The following KCNN2 variants were observed in gnomAD, a reference collection of about 807,000 sequenced individuals.
KCNN2 encodes small conductance calcium-activated potassium channel protein 2.
In KCNN2, 24 loss-of-function variants were observed where a neutral mutation model predicts 55.5. The ratio of observed to expected loss-of-function variants is 0.43; its 90% CI spans 0.31 to 0.61. KCNN2 has a LOEUF of 0.61. Among genes scored for constraint, KCNN2 ranks in the 20% least tolerant of loss-of-function variants. The pLI, the probability that KCNN2 is intolerant of heterozygous loss-of-function variation, is 0.08. For synonymous variants in KCNN2, 431 were observed against 336.1 expected, an observed-to-expected ratio of 1.28 and a Z score of -3.09; for missense variants, 754 against 853.6, an observed-to-expected ratio of 0.88 and a Z score of 1.45.
chr5:114,135,104 A>G (rs1005233877), intron 1 of KCNN2, among the ~76,000 whole-genome samples: 6 of 152,138 alleles, frequency 3.9e-5, no homozygotes, highest in African/African-American at 1.2e-4. Context: ...TAAGACAAGG[A>G]GTGTAGATCT....
rs116328857 is a variant in KCNN2, at chr5:114,269,904, G to C, written c.-185+48339G>C. ...TCAAGGAAAGGAAAAGAATGAAATG[G>C]AGGGTCACCACTAGACCGTTTCAGA... On this transcript the variant is annotated intron_variant, in intron 2 of 10. Transcript: ENST00000512097. Among the ~76,000 whole-genome samples, 516 of 152,296 alleles carry C rather than the reference G, an allele frequency of 3.4e-3. 5 individuals are homozygous for C. The highest frequency in any genetic ancestry group is 0.012 in the African/African-American group (496 of 41,572).
At chr5:114,083,396 T>C (rs4705620) in intron 1 of KCNN2, among the ~76,000 whole-genome samples, 64,071 of 151,744 alleles carry the variant, frequency 0.42, 13,954 homozygotes, top group East Asian at 0.66. Flanking sequence ...GCTGTAAATT[T>C]CCCCTCTAAA....
intron 1 of KCNN2, among the ~76,000 whole-genome samples, chr5:114,105,935 G>A (rs563735110): frequency 9.7e-4 from 147 of 151,902 alleles, no homozygotes; most frequent in African/African-American, 3.5e-3. Context: ...TCTATAAAAA[G>A]TTCATTTATT....
intron 1 of KCNN2, among the ~76,000 whole-genome samples, chr5:114,058,189 C>T (rs983366038): frequency 3.3e-5 from 5 of 151,758 alleles, no homozygotes; most frequent in African/African-American, 9.7e-5. Context: ...AATACAAGCT[C>T]AATAATAGCA....
chr5:114,215,614 C>A (rs568961200), intron 1 of KCNN2, among the ~76,000 whole-genome samples: 19 of 152,094 alleles, frequency 1.2e-4, no homozygotes, highest in East Asian at 3.9e-4. Flanking sequence ...CTTTTGCATT[C>A]CCTCCTTGAG....
chr5:114,359,585 A>G (rs1480408841), upstream of KCNN2, among the ~76,000 whole-genome samples: 3 of 152,160 alleles, frequency 2.0e-5, no homozygotes, highest in African/African-American at 7.2e-5. Flanking sequence ...TAACTGTAGA[A>G]CCTTATATCT....
intron 5 of KCNN2, among the ~76,000 whole-genome samples, chr5:114,477,659 A>G (rs1364080291): frequency 1.3e-5 from 2 of 152,198 alleles, no homozygotes; most frequent in Non-Finnish European, 2.9e-5. Context: ...TTACCATGCA[A>G]TATCTTTTGG....
chr5:114,349,935 A>G (rs1005949275), intron 2 of KCNN2, among the ~76,000 whole-genome samples: 2 of 151,982 alleles, frequency 1.3e-5, no homozygotes, highest in Non-Finnish European at 2.9e-5. Context: ...CTTTTTAAAT[A>G]TAGGCATCCT....
At chr5:114,472,466 C>T (rs1390859139) in intron 4 of KCNN2, among the ~76,000 whole-genome samples, 2 of 152,180 alleles carry the variant, frequency 1.3e-5, no homozygotes, top group African/African-American at 4.8e-5. Context: ...TTACCCCTTA[C>T]CTTCAGTACT....
rs994627502 is a variant in KCNN2, at chr5:114,174,852, C to G, written c.-270-46628C>G. Among the ~76,000 whole-genome samples the G allele has an allele frequency of 4.6e-5, 7 of 152,114 alleles. No individual in the cohort carries two copies. The East Asian group carries it at 1.2e-3, about 25-fold the overall frequency. Reference sequence around the variant, plus strand: ...AAATTAAATGAACTGGATTTTCTGTCCAAGACAAGGCAGGAAATAGGAAAT... The same window carrying G: ...AAATTAAATGAACTGGATTTTCTGTGCAAGACAAGGCAGGAAATAGGAAAT... On this transcript the variant is annotated intron_variant, in intron 1 of 10. Transcript: ENST00000512097.
chr5:114,443,118 C>T (rs1760277272), intron 3 of KCNN2, among the ~76,000 whole-genome samples: 1 of 151,982 alleles, frequency 6.6e-6, no homozygotes, highest in Admixed American at 6.6e-5. Context: ...TGGTGAAACC[C>T]TGTCTTTGCT....
chr5:114,099,151 A>G (rs906278384), intron 1 of KCNN2, among the ~76,000 whole-genome samples: 1 of 152,132 alleles, frequency 6.6e-6, no homozygotes, highest in South Asian at 2.1e-4. Context: ...CGTACCCTGA[A>G]CTACTGGAAC....
intron 2 of KCNN2, among the ~76,000 whole-genome samples, chr5:114,392,185 A>G (rs1360225616): frequency 6.6e-6 from 1 of 152,196 alleles, no homozygotes; most frequent in Non-Finnish European, 1.5e-5. Flanking sequence ...GTTGCCTACA[A>G]CATATGATAT....
At chr5:114,281,182 G>A (rs1477407199) in intron 2 of KCNN2, among the ~76,000 whole-genome samples, 2 of 152,106 alleles carry the variant, frequency 1.3e-5, no homozygotes, top group Non-Finnish European at 2.9e-5. Context: ...ATTGTATAAT[G>A]CATTTATTTG....
chr5:114,297,842 C>A (rs1409005388), intron 2 of KCNN2, among the ~76,000 whole-genome samples: 1 of 151,982 alleles, frequency 6.6e-6, no homozygotes, highest in Non-Finnish European at 1.5e-5. Flanking sequence ...CAGTATATAA[C>A]AAGGCTTGTA....
At chr5:114,314,665 T>C (rs761355821) in intron 2 of KCNN2, among the ~76,000 whole-genome samples, 1 of 152,092 alleles carries the variant, frequency 6.6e-6, no homozygotes, top group Non-Finnish European at 1.5e-5. Flanking sequence ...TCAGAAAGAA[T>C]ATAAATTTTA....
At chr5:114,386,065 C>G (rs1758273642) in intron 2 of KCNN2, among the ~76,000 whole-genome samples, 1 of 151,384 alleles carries the variant, frequency 6.6e-6, no homozygotes, top group Non-Finnish European at 1.5e-5. Context: ...ACTTGTAGTC[C>G]CAGCTACTCG....
At position 114,164,713 on chromosome 5, in the gene KCNN2, T is replaced by C. The variant is rs575508095; in HGVS notation, c.-270-56767T>C. 2.0e-5 allele frequency among the ~76,000 whole-genome samples: 3 copies of C among 152,278 alleles called. No individual in the cohort carries two copies. In the East Asian group the frequency reaches 5.8e-4, roughly 29 times the overall value. On this transcript the variant is annotated intron_variant, in intron 1 of 10. Transcript: ENST00000512097. ...TGCAAATGCGCATTTTGGATGTACA[T>C]ATTTAAATTTAGTAATGTGACGATC...
chr5:114,191,909 T>C (rs149909861), intron 1 of KCNN2, among the ~76,000 whole-genome samples: 3 of 152,220 alleles, frequency 2.0e-5, no homozygotes, highest in East Asian at 3.9e-4. Context: ...AGAAACCAAA[T>C]TGGTTTATTA....
Sources: gnomAD v4.1 joint callset for allele counts (sites outside exome capture counted in the v4.1 genomes callset) on GRCh38, gnomAD v4.1.1 for gene constraint, MANE v1.5 for transcripts, NCBI Gene and HGNC (gene_info 2026-07-23, HGNC 2026-07-21) for gene names.